GRM8: variants seen among roughly 807,000 people sequenced by gnomAD.
GRM8 encodes the protein glutamate metabotropic receptor 8, also known as metabotropic glutamate receptor 8.
Under a neutral mutation model 87.2 loss-of-function variants are expected in GRM8, and 47 were observed. That is an observed-to-expected ratio of 0.54 (90% CI 0.43 to 0.69). The LOEUF (loss-of-function observed/expected upper bound fraction) is 0.69. GRM8 is among the 30% of genes least tolerant of loss of function. The pLI, the probability that GRM8 is intolerant of heterozygous loss-of-function variation, is 0.00. For synonymous variants in GRM8, 396 were observed against 404.5 expected (o/e 0.98, Z 0.25); for missense variants, 1,019 against 1,139.2 (o/e 0.89, Z 1.52).
chr7:126,494,764 C>A (rs1245278616), intron 9 of GRM8, among the ~76,000 whole-genome samples: 1 of 152,012 alleles, frequency 6.6e-6, no homozygotes, highest in Non-Finnish European at 1.5e-5. Context: ...TGCAGAATTT[C>A]AAATTGCACT....
intron 3 of GRM8, among the ~76,000 whole-genome samples, chr7:126,992,075 T>C (rs1812715343): frequency 6.6e-6 from 1 of 152,200 alleles, no homozygotes; most frequent in South Asian, 2.1e-4. Context: ...AAAGCTACTA[T>C]AACCAGTGAT....
At chr7:126,871,052 T>C (rs1799053710) in intron 6 of GRM8, among the ~76,000 whole-genome samples, 1 of 152,160 alleles carries the variant, frequency 6.6e-6, no homozygotes, top group Admixed American at 6.5e-5. Context: ...CTTGTAAATG[T>C]CTTATTTAAA....
intron 6 of GRM8, among the ~76,000 whole-genome samples, chr7:126,795,074 A>G (rs1281838608): frequency 1.3e-5 from 2 of 152,204 alleles, no homozygotes; most frequent in African/African-American, 4.8e-5. Context: ...TGAAATTTAA[A>G]TCTAACTAAA....
chr7:126,504,943 C>A (rs1265855809), intron 9 of GRM8, among the ~76,000 whole-genome samples: 1 of 151,976 alleles, frequency 6.6e-6, no homozygotes, highest in Non-Finnish European at 1.5e-5. Context: ...CACAAGTTAA[C>A]AAGCATGAAT....
At chr7:126,801,213 A>G (rs1223487857) in intron 6 of GRM8, among the ~76,000 whole-genome samples, 2 of 152,150 alleles carry the variant, frequency 1.3e-5, no homozygotes, top group South Asian at 2.1e-4. Flanking sequence ...GTTGATTCCC[A>G]TTCTCTAGAT....
intron 6 of GRM8, among the ~76,000 whole-genome samples, chr7:126,874,673 A>G (rs1391636174): frequency 6.6e-6 from 1 of 152,108 alleles, no homozygotes; most frequent in African/African-American, 2.4e-5. Flanking sequence ...CAAAGCTAGA[A>G]GAGTCAGAAT....
At chr7:126,831,633 C>T (rs990461379) in intron 6 of GRM8, among the ~76,000 whole-genome samples, 2 of 152,158 alleles carry the variant, frequency 1.3e-5, no homozygotes, top group African/African-American at 4.8e-5. Flanking sequence ...AAAGGGAAGT[C>T]CCTGACTCCT....
At chr7:127,176,003 T>C (rs771005864) in intron 2 of GRM8, among the ~76,000 whole-genome samples, 3 of 152,182 alleles carry the variant, frequency 2.0e-5, no homozygotes, top group Admixed American at 2.0e-4. Flanking sequence ...GATTATAGAA[T>C]ATGAATAAGT....
chr7:126,638,094 A>G (rs927938726), intron 7 of GRM8, among the ~76,000 whole-genome samples: 2 of 152,192 alleles, frequency 1.3e-5, no homozygotes, highest in Admixed American at 1.3e-4. Context: ...ACTTTTCTGT[A>G]ACATGGGTGT....
chr7:126,672,870 C>T (rs62477942), intron 7 of GRM8, among the ~76,000 whole-genome samples: 27,960 of 152,110 alleles, frequency 0.18, 2,673 homozygotes, highest in African/African-American at 0.2. Flanking sequence ...ACTAGGAACC[C>T]TTAGATAGGC....
chr7:127,105,889 G>A (rs985734602), intron 3 of GRM8, among the ~76,000 whole-genome samples: 2 of 152,030 alleles, frequency 1.3e-5, no homozygotes, highest in East Asian at 1.9e-4. Flanking sequence ...TAGACACTTG[G>A]ATAAGCACCT....
intron 3 of GRM8, among the ~76,000 whole-genome samples, chr7:127,095,046 T>A (rs1824505145): frequency 6.6e-6 from 1 of 152,186 alleles, no homozygotes; most frequent in African/African-American, 2.4e-5. Flanking sequence ...TGTGTGAGAA[T>A]AAAGGCAGAA....
intron 6 of GRM8, among the ~76,000 whole-genome samples, chr7:126,830,412 T>C (rs1016574521): frequency 6.6e-5 from 10 of 152,200 alleles, no homozygotes; most frequent in Non-Finnish European, 1.3e-4. Context: ...CTTTTTATTA[T>C]TTTTTCTCTA....
intron 2 of GRM8, among the ~76,000 whole-genome samples, chr7:127,200,791 T>A (rs1426857682): frequency 6.6e-6 from 1 of 152,210 alleles, no homozygotes; most frequent in Non-Finnish European, 1.5e-5. Flanking sequence ...TGTGGTATGA[T>A]CTCACCTTAA....
At chr7:126,517,516 T>C (rs1261197489) in intron 9 of GRM8, among the ~76,000 whole-genome samples, 1 of 152,092 alleles carries the variant, frequency 6.6e-6, no homozygotes, top group African/African-American at 2.4e-5. Context: ...TCCATGCTTA[T>C]AAACACTATA....
At chr7:126,546,527 G>C (rs1479788532) in intron 8 of GRM8, among the ~76,000 whole-genome samples, 1 of 152,182 alleles carries the variant, frequency 6.6e-6, no homozygotes, top group Non-Finnish European at 1.5e-5. Context: ...CCTAGTCAGG[G>C]GAGGCCTTAG....
chr7:126,503,932 G>A (rs1810024452), intron 9 of GRM8, among the ~76,000 whole-genome samples: 1 of 152,012 alleles, frequency 6.6e-6, no homozygotes, highest in Non-Finnish European at 1.5e-5. Flanking sequence ...CATGAAGGAT[G>A]TGGCTCTGGA....
chr7:127,127,171 T>A (rs140478130), intron 2 of GRM8, among the ~76,000 whole-genome samples: 43 of 151,970 alleles, frequency 2.8e-4, no homozygotes, highest in African/African-American at 8.2e-4. Flanking sequence ...GATATATATA[T>A]CCCTTATGTG....
intron 7 of GRM8, among the ~76,000 whole-genome samples, chr7:126,768,194 C>T (rs1818412276): frequency 6.6e-6 from 1 of 151,778 alleles, no homozygotes; most frequent in African/African-American, 2.4e-5. Context: ...GCACTCATTG[C>T]AGATTACATA....
Sources: allele counts gnomAD v4.1 joint callset (sites outside exome capture counted in the v4.1 genomes callset), GRCh38; gene constraint gnomAD v4.1.1; transcripts MANE v1.5; gene names NCBI Gene and HGNC (gene_info 2026-07-23, HGNC 2026-07-21).